The following THRAP3 variants were observed in gnomAD, a reference collection of about 807,000 sequenced individuals.
THRAP3 encodes the protein thyroid hormone receptor-associated protein 3.
THRAP3 carries 16 observed loss-of-function variants against 101.0 expected under a neutral mutation model. The ratio of observed to expected loss-of-function variants is 0.16; its 90% CI spans 0.11 to 0.24. THRAP3 has a LOEUF of 0.24. Among genes scored for constraint, THRAP3 ranks in the 10% least tolerant of loss-of-function variants. The pLI, the probability that THRAP3 is intolerant of heterozygous loss-of-function variation, is 1.00. For missense variants in THRAP3, 989 were observed against 1,202.7 expected, an observed-to-expected ratio of 0.82 and a Z score of 2.63; for synonymous variants, 407 against 422.6, an observed-to-expected ratio of 0.96 and a Z score of 0.45.
chr1:36,232,252 C>G (rs923715273), intron 1 of THRAP3, among the ~76,000 whole-genome samples: 5 of 152,044 alleles, frequency 3.3e-5, no homozygotes, highest in Non-Finnish European at 7.4e-5. Context: ...ATAAGAAATT[C>G]TTGTTTCAGG....
chr1:36,261,596 A>G (rs1441342370), intron 2 of THRAP3, among the ~76,000 whole-genome samples: 1 of 152,158 alleles, frequency 6.6e-6, no homozygotes, highest in Non-Finnish European at 1.5e-5. Context: ...ATGCTATTCC[A>G]AAAGGAAATC....
intron 1 of THRAP3, among the ~76,000 whole-genome samples, chr1:36,243,273 T>G (rs1053927203): frequency 1.3e-5 from 2 of 149,668 alleles, no homozygotes; most frequent in Non-Finnish European, 3.0e-5. Flanking sequence ...CACAGGACAA[T>G]AGTGGAGGGA....
intron 3 of THRAP3, among the ~76,000 whole-genome samples, chr1:36,284,036 T>C (rs1358279833): frequency 1.3e-5 from 2 of 152,338 alleles, no homozygotes; most frequent in Non-Finnish European, 2.9e-5. Flanking sequence ...AGTTTAAACC[T>C]CAGTTTTAGC....
intron 3 of THRAP3, among the ~76,000 whole-genome samples, chr1:36,284,908 A>G (rs903991090): frequency 6.6e-6 from 1 of 152,212 alleles, no homozygotes; most frequent in Admixed American, 6.5e-5. Context: ...ACTGTTTTCA[A>G]ATGAAAAGTG....
intron 1 of THRAP3, among the ~76,000 whole-genome samples, chr1:36,230,274 A>G (rs755840177): frequency 1.3e-5 from 2 of 151,558 alleles, no homozygotes; most frequent in Non-Finnish European, 2.9e-5. Flanking sequence ...ATGGGCCACC[A>G]TGCCCGGCTA....
intron 2 of THRAP3, among the ~76,000 whole-genome samples, chr1:36,269,930 G>A (rs912810361): frequency 1.3e-5 from 2 of 152,000 alleles, no homozygotes; most frequent in Non-Finnish European, 2.9e-5. Flanking sequence ...TACACAAAAG[G>A]AGCTGCAGAA....
At chr1:36,264,658 G>T (rs968193237) in intron 2 of THRAP3, among the ~76,000 whole-genome samples, 1 of 152,204 alleles carries the variant, frequency 6.6e-6, no homozygotes, top group Admixed American at 6.5e-5. Flanking sequence ...GTTGCTTATT[G>T]TGTGTTGAGA....
chr1:36,231,509 T>A (rs1439159811), intron 1 of THRAP3, among the ~76,000 whole-genome samples: 2 of 152,254 alleles, frequency 1.3e-5, no homozygotes, highest in Non-Finnish European at 2.9e-5. Flanking sequence ...GCTCTTGTCC[T>A]GAGACATAAC....
At chr1:36,213,978 A>AG in the THRAP3 span, among the ~76,000 whole-genome samples, 1 of 106,030 alleles carries the variant, frequency 9.4e-6, no homozygotes, top group Non-Finnish European at 1.9e-5. Flanking sequence ...AGAAAGAAAG[A>AG]AAGAAAGAAA....
At chr1:36,302,892 C>T (rs1202998873) in intron 11 of THRAP3, among the ~76,000 whole-genome samples, 3 of 152,232 alleles carry the variant, frequency 2.0e-5, no homozygotes, top group Admixed American at 6.5e-5. Flanking sequence ...TTTCCTACCC[C>T]GTCACACTGC....
chr1:36,220,823 C>T (rs758165678), upstream of THRAP3, among the ~76,000 whole-genome samples: 1 of 151,288 alleles, frequency 6.6e-6, no homozygotes, highest in Non-Finnish European at 1.5e-5. Flanking sequence ...GGTGAGGTGG[C>T]GGGTACCTGT....
chr1:36,292,417 G>T (rs1258098722), intron 6 of THRAP3, among the ~76,000 whole-genome samples, 181 bp from the exon 7 acceptor site: 1 of 151,112 alleles, frequency 6.6e-6, no homozygotes, highest in Non-Finnish European at 1.5e-5. Flanking sequence ...GACTACAGGC[G>T]CCCGCCACCA....
Position 36,246,480 on chromosome 1 carries a change from G to A in THRAP3, c.-134-12902G>A, listed in dbSNP as rs938857480. 5.3e-5 allele frequency among the ~76,000 whole-genome samples: 8 copies of A among 151,800 alleles called. No individual in the cohort carries two copies. The East Asian group carries it at 7.8e-4, about 15-fold the overall frequency. Reference sequence around the variant, plus strand: ...ACTCCTGATCTCAAGTTATCTCTCCGCCTTGGCGTCCCAAGGTGCTGGGAT... The same window carrying A: ...ACTCCTGATCTCAAGTTATCTCTCCACCTTGGCGTCCCAAGGTGCTGGGAT... On this transcript the variant is annotated intron_variant, in intron 1 of 11. Coordinates refer to ENST00000354618, the MANE Select transcript of THRAP3 (RefSeq NM_005119.4).
chr1:36,261,578 C>T (rs929595964), intron 2 of THRAP3, among the ~76,000 whole-genome samples: 4 of 152,062 alleles, frequency 2.6e-5, no homozygotes, highest in Admixed American at 1.3e-4. Flanking sequence ...TTTCTGTAAG[C>T]AGTTCATATG....
At chr1:36,277,947 GA>G (rs1645682149) in intron 2 of THRAP3, among the ~76,000 whole-genome samples, 1 of 151,648 alleles carries the variant, frequency 6.6e-6, no homozygotes, top group African/African-American at 2.4e-5. Context: ...TTTTTTAGTA[GA>G]GAGGGGGTTT....
intron 2 of THRAP3, among the ~76,000 whole-genome samples, chr1:36,281,861 G>C (rs929311936): frequency 6.6e-6 from 1 of 151,932 alleles, no homozygotes; most frequent in African/African-American, 2.4e-5. Context: ...ACCTGAGGTC[G>C]GGAGTTCGAG....
chr1:36,241,003 G>A (rs1228531150), intron 1 of THRAP3, among the ~76,000 whole-genome samples: 3 of 151,816 alleles, frequency 2.0e-5, no homozygotes, highest in Non-Finnish European at 4.4e-5. Flanking sequence ...TCAGGAGATC[G>A]GGACCATCCC....
intron 2 of THRAP3, among the ~76,000 whole-genome samples, chr1:36,270,001 G>T (rs909694032): frequency 6.6e-6 from 1 of 152,186 alleles, no homozygotes; most frequent in Non-Finnish European, 1.5e-5. Context: ...TGCCTGCAGA[G>T]TATTGATAAT....
chr1:36,258,513 T>TC (rs1287867360), intron 1 of THRAP3, among the ~76,000 whole-genome samples: 2 of 152,222 alleles, frequency 1.3e-5, no homozygotes, highest in Non-Finnish European at 2.9e-5. Context: ...TCTCACTCTG[T>TC]CCCCCAGGCT....
Sources: gnomAD v4.1 joint callset for allele counts (sites outside exome capture counted in the v4.1 genomes callset) on GRCh38, gnomAD v4.1.1 for gene constraint, MANE v1.5 for transcripts, NCBI Gene and HGNC (gene_info 2026-07-23, HGNC 2026-07-21) for gene names.